Variants in NIBAN3 observed in about 807,000 individuals in gnomAD.
NIBAN3 encodes protein Niban 3.
NIBAN3 carries 66 observed loss-of-function variants against 76.4 expected under a neutral mutation model. The observed-to-expected ratio is 0.86, with a 90% CI of 0.71 to 1.06. NIBAN3 has a LOEUF of 1.06. Among genes scored for constraint, NIBAN3 ranks in the 50% least tolerant of loss-of-function variants. The pLI is 0.00. For synonymous variants in NIBAN3, 360 were observed against 355.2 expected (o/e 1.01, Z -0.15); for missense variants, 808 against 810.7 (o/e 1.00, Z 0.04).
rs8107859 is a variant in NIBAN3, at chr19:17,537,541, T to C, written c.593T>C (p.Ile198Thr). The change falls in exon 5 of 15, where the codon ATA (isoleucine) becomes ACA (threonine). Residue 198 changes from isoleucine to threonine, a missense_variant and splice_region_variant. Transcript: ENST00000599164. Reference sequence around the variant, plus strand: ...CAGGGTGGCATCCGGCTTCAGGGCATAGGTGGGTCTCAGGACGGGTCAGAC... The same window carrying C: ...CAGGGTGGCATCCGGCTTCAGGGCACAGGTGGGTCTCAGGACGGGTCAGAC... ...ALQGGIRLQG[I>T]VLQRSQAPAA... 0.96 allele frequency: 1,520,402 copies of C among 1,589,704 alleles called. 729,139 individuals are homozygous for C. Among genetic ancestry groups the C allele is most frequent in the African/African-American group, 0.99 (74,114 of 74,616 alleles).
At position 17,540,477 on chromosome 19, in the gene NIBAN3, C is replaced by T. The variant is rs761238946; in HGVS notation, c.1065C>T (p.Thr355=). The T allele has an allele frequency of 2.6e-5, 41 of 1,598,870 alleles. No homozygotes were observed. Among genetic ancestry groups the T allele is most frequent in the Non-Finnish European group, 3.1e-5 (36 of 1,172,932 alleles). ...LPRVVQTLLR[T]VEASLEAVRT... ...GGGTCGTGCAGACCCTGCTGCGCAC[C>T]GTGGAAGCCTCGCTCGAGGCGGTGC... Residue 355 remains threonine, a synonymous_variant, in exon 9 of 15, where the codon ACC becomes ACT. Transcript: ENST00000599164.
upstream of NIBAN3, chr19:17,523,341 C>T (rs778838489): frequency 1.9e-4 from 214 of 1,119,366 alleles, no homozygotes; most frequent in Non-Finnish European, 2.5e-4. Flanking sequence ...GCAGAGGCGG[C>T]TGTGCAGGGT....
chr19:17,531,012 T>C, intron 2 of NIBAN3, 127 bp downstream of exon 2: 1 of 1,117,600 alleles, frequency 8.9e-7, no homozygotes, highest in Non-Finnish European at 1.2e-6. Context: ...ATGCATTGTT[T>C]AAATAAACAT....
rs758751629 is a variant in NIBAN3, at chr19:17,539,585, C to T, written c.817-18C>T. On this transcript the variant is annotated intron_variant, in intron 7 of 14. Coordinates refer to ENST00000599164, the MANE Select transcript of NIBAN3 (RefSeq NM_001321827.2). ...GCCCCGTGTCTCGGCTTTGTCCCCC[C>T]TCGACCGGTCTGGGCAGCTTCTAGA... The T allele has an allele frequency of 2.4e-5, 36 of 1,524,032 alleles. No homozygotes were observed. In the African/African-American group the frequency reaches 5.0e-4, roughly 21 times the overall value. 94.4% of individuals were successfully genotyped at this position (1,524,032 alleles called of 1,614,324 possible).
chr19:17,549,670 C>G (rs1331501702), intron 14 of NIBAN3, 143 bp downstream of exon 14: 1 of 742,164 alleles, frequency 1.3e-6, no homozygotes, highest in Non-Finnish European at 2.4e-6. Flanking sequence ...CCCAGCCAGC[C>G]TGGCCAAGCT....
At chr19:17,525,335 C>CA (rs2075594155), upstream of NIBAN3, among the ~76,000 whole-genome samples, 1 of 150,874 alleles carries the variant, frequency 6.6e-6, no homozygotes, top group Non-Finnish European at 1.5e-5. Flanking sequence ...CCGTCCCTCC[C>CA]TTCATTCATT....
chr19:17,540,719 T>G, intron 9 of NIBAN3, 137 bp downstream of exon 9: 1 of 599,564 alleles, frequency 1.7e-6, no homozygotes, highest in Non-Finnish European at 2.5e-6. Flanking sequence ...CTATGGTCAG[T>G]GGAGCACAGT....
In NIBAN3 at chr19:17,553,140, T is replaced by A; in HGVS notation, c.*1242T>A. 1 of 958,658 alleles carries A rather than the reference T, an allele frequency of 1.0e-6. No individual in the cohort carries two copies. Among genetic ancestry groups the A allele is most frequent in the Non-Finnish European group, 1.5e-6 (1 of 674,782 alleles). 59.4% of individuals were successfully genotyped at this position (958,658 alleles called of 1,614,324 possible). A position where few individuals can be genotyped will look rare whatever the true frequency, so the allele number is the denominator to read the frequency against. The stretch of plus-strand genomic sequence containing the variant: ...GTTTGTAGTTTTTTTTTTTTTAATT[T>A]CAGTGAATTGCCTGTTCATAGCTTT... On this transcript the variant is annotated 3_prime_UTR_variant, in exon 15 of 15. Coordinates refer to ENST00000599164, the MANE Select transcript of NIBAN3 (RefSeq NM_001321827.2).
At chr19:17,549,615 T>C (rs749319174) in intron 14 of NIBAN3, 88 bp downstream of exon 14, 3 of 1,045,768 alleles carry the variant, frequency 2.9e-6, no homozygotes, top group African/African-American at 1.6e-5. Flanking sequence ...GGGATTGTCA[T>C]GAGTGTGGGT....
rs181379336 is a variant in NIBAN3, at chr19:17,540,377, G to A, written c.980-15G>A. The A allele has an allele frequency of 4.3e-5, 63 of 1,453,980 alleles. No homozygotes were observed. The East Asian group carries it at 1.6e-3, about 37-fold the overall frequency. The allele number at this position is 1,453,980 out of a possible 1,614,324, so 90.1% of individuals were successfully genotyped here. On this transcript the variant is annotated splice_polypyrimidine_tract_variant and intron_variant, in intron 8 of 14. Coordinates refer to ENST00000599164, the MANE Select transcript of NIBAN3 (RefSeq NM_001321827.2). ...CTTGCGGAGGGGACTCCAGACCAGT[G>A]TCTTCCACTCCCAGCGGATATCAGG... is the stretch of plus-strand genomic sequence containing the variant.
chr19:17,547,690 C>T (rs931984708), intron 13 of NIBAN3, among the ~76,000 whole-genome samples: 2 of 148,316 alleles, frequency 1.3e-5, no homozygotes, highest in Non-Finnish European at 3.0e-5. Flanking sequence ...ATTTTTGAGA[C>T]AGAGTCTCAC....
intron 1 of NIBAN3, among the ~76,000 whole-genome samples, chr19:17,530,531 CAAAAAAAAAAAAAA>C (rs558680407): frequency 2.2e-5 from 1 of 46,360 alleles, no homozygotes; most frequent in African/African-American, 6.6e-5. Context: ...GACTCCATCT[CAAAAAAAAAAAAAA>C]AAAAAAAAAA....
upstream of NIBAN3, among the ~76,000 whole-genome samples, chr19:17,526,294 C>T (rs2075607109): frequency 2.0e-5 from 3 of 151,290 alleles, no homozygotes; most frequent in Non-Finnish European, 4.4e-5. Flanking sequence ...GTCTGGGCGA[C>T]AGTGCGAGAG....
rs1331780164 is a variant in NIBAN3 at position 17,539,267 on chromosome 19, T to C, written c.711+2T>C. Reference sequence around the variant, plus strand: ...GTGACCCTAGGCTCAGACGCCGAGGTTAGTGCCCCGCGAGGCCGCACCCGG... The same window carrying C: ...GTGACCCTAGGCTCAGACGCCGAGGCTAGTGCCCCGCGAGGCCGCACCCGG... On this transcript the variant is annotated splice_donor_variant, in intron 6 of 14. Transcript: ENST00000599164. LOFTEE classifies it high-confidence loss of function. The C allele has an allele frequency of 6.3e-6, 10 of 1,595,370 alleles. No individual in the cohort carries two copies. The highest frequency in any genetic ancestry group is 1.7e-5 in the Admixed American group (1 of 57,566).
At chr19:17,543,846 G>A (rs1336803774) in intron 12 of NIBAN3, 6 of 371,152 alleles carry the variant, frequency 1.6e-5, no homozygotes, top group Non-Finnish European at 3.0e-5. Context: ...CAAAAAATTA[G>A]CCAGGCATGG....
downstream of NIBAN3, chr19:17,553,676 G>A (rs889482117): frequency 1.0e-5 from 9 of 882,166 alleles, no homozygotes; most frequent in East Asian, 2.4e-5. Flanking sequence ...TACCCCGGAC[G>A]GGATGTAGAT....
rs189445981 is a variant in NIBAN3 at position 17,538,771 on chromosome 19, A to C, written c.596-379A>C. Among the ~76,000 whole-genome samples, 473 of 151,584 alleles carry C rather than the reference A, an allele frequency of 3.1e-3. 3 individuals are homozygous for C. The highest frequency in any genetic ancestry group is 0.011 in the African/African-American group (451 of 41,382). On this transcript the variant is annotated intron_variant, in intron 5 of 14. Coordinates refer to ENST00000599164, the MANE Select transcript of NIBAN3 (RefSeq NM_001321827.2). ...GAGAAAGAAAGAAAGAGAGGGAGGG[A>C]GGGAAAGGAAGGAAGAAAGGGAGGA...
chr19:17,539,914 A>G, intron 8 of NIBAN3, 149 bp downstream of exon 8: 1 of 556,626 alleles, frequency 1.8e-6, no homozygotes, highest in South Asian at 2.4e-5. Flanking sequence ...TGTGCAAGGG[A>G]ACGGGTGGGG....
chr19:17,537,333 G>T, intron 4 of NIBAN3, 43 bp from the exon 5 acceptor site: 2 of 1,591,964 alleles, frequency 1.3e-6, no homozygotes, highest in Non-Finnish European at 1.7e-6. Flanking sequence ...TTTTCTCCTA[G>T]TGAATGAACG....
Sources: allele counts gnomAD v4.1 joint callset (sites outside exome capture counted in the v4.1 genomes callset), GRCh38; gene constraint gnomAD v4.1.1; transcripts MANE v1.5; gene names NCBI Gene and HGNC (gene_info 2026-07-23, HGNC 2026-07-21).